Variants in EPHX1 observed in about 807,000 individuals in gnomAD.
EPHX1 encodes epoxide hydrolase 1.
Under a neutral mutation model 43.2 loss-of-function variants are expected in EPHX1, and 40 were observed. The observed-to-expected ratio is 0.93, with a 90% CI of 0.72 to 1.21. The LOEUF is 1.21. Among genes scored for constraint, EPHX1 ranks in the 50% most tolerant of loss-of-function variants. The probability of loss-of-function intolerance (pLI) is 0.00; values close to 1 mark genes in which losing one functional copy is unlikely to be tolerated. For synonymous variants in EPHX1, 221 were observed against 226.7 expected, an observed-to-expected ratio of 0.98 and a Z score of 0.22; for missense variants, 550 against 570.4, an observed-to-expected ratio of 0.96 and a Z score of 0.36.
chr1:225,831,642 G>A (rs989344859), intron 2 of EPHX1, 137 bp from the exon 3 acceptor site: 61 of 782,698 alleles, frequency 7.8e-5, no homozygotes, highest in Non-Finnish European at 1.6e-5. Context: ...AGCCAGTGAT[G>A]TGGGAAACTG....
intron 5 of EPHX1, 87 bp downstream of exon 5, chr1:225,839,433 G>A (rs760632982): frequency 9.7e-5 from 153 of 1,585,392 alleles, no homozygotes; most frequent in Non-Finnish European, 1.2e-4. Flanking sequence ...GTGCAGGGTG[G>A]GCCAAGGACC....
At chr1:225,843,356 G>C (rs1311043444) in intron 7 of EPHX1, among the ~76,000 whole-genome samples, 1 of 152,190 alleles carries the variant, frequency 6.6e-6, no homozygotes, top group Non-Finnish European at 1.5e-5. Flanking sequence ...AGGGTGCTTG[G>C]AAAGGGTGGC....
chr1:225,817,565 C>G lies in EPHX1; in HGVS notation c.-6+7396C>G, dbSNP rs1045421557. ...GAAGCAGCAGACCCTCCAAGCCCAC[C>G]TACCTCTCTGGCCTGGCATCTGAGG... is the stretch of plus-strand genomic sequence containing the variant. On this transcript the variant is annotated intron_variant, in intron 1 of 8. Transcript: ENST00000272167. The surrounding 1 kb of genome is among the most constrained non-coding windows in gnomAD (Gnocchi z 5.7). 8.5e-5 allele frequency among the ~76,000 whole-genome samples: 13 copies of G among 152,192 alleles called. No homozygotes were observed. Among genetic ancestry groups the G allele is most frequent in the Non-Finnish European group, 4.4e-5 (3 of 68,032 alleles).
chr1:225,810,687 T>A (rs1666434675), intron 1 of EPHX1: 1 of 139,688 alleles, frequency 7.2e-6, no homozygotes, highest in Non-Finnish European at 1.5e-5. Context: ...CCAAGGGAGA[T>A]AGGGGTGGGG....
At position 225,828,644 on chromosome 1, in the gene EPHX1, C is replaced by G. The variant is rs1667395363; in HGVS notation, c.-5-81C>G. ...AGGGTTGGAGCGCAGCAGGAAAGAG[C>G]CTGCTGGGGATCAGAGTCTCTGGGC... On this transcript the variant is annotated intron_variant, in intron 1 of 8. Transcript: ENST00000272167. The G allele has an allele frequency of 2.1e-6, 3 of 1,454,004 alleles. No homozygotes were observed. In the Admixed American group the frequency reaches 5.2e-5, roughly 25 times the overall value. 90.1% of individuals were successfully genotyped at this position (1,454,004 alleles called of 1,614,324 possible).
chr1:225,840,113 C>T (rs928459303), intron 6 of EPHX1, 76 bp downstream of exon 6: 9 of 1,403,612 alleles, frequency 6.4e-6, no homozygotes, highest in Non-Finnish European at 8.0e-6. Context: ...AACCTCACCA[C>T]CCCACCCCAA....
chr1:225,836,930 G>T (rs1668000323), intron 3 of EPHX1, among the ~76,000 whole-genome samples: 1 of 152,216 alleles, frequency 6.6e-6, no homozygotes, highest in Admixed American at 6.5e-5. Flanking sequence ...CATATTAAGT[G>T]TTCTCGCCAT....
At position 225,830,980 on chromosome 1, in the gene EPHX1, T is replaced by G. The variant is rs116230486; in HGVS notation, c.184-799T>G. 6.0e-3 allele frequency among the ~76,000 whole-genome samples: 916 copies of G among 152,340 alleles called. 13 individuals carry two copies. The highest frequency in any genetic ancestry group is 0.021 in the African/African-American group (869 of 41,576). ...ACGTGAAAATTATATAGCAGTCAGA[T>G]TTCAGTGTCCATAAATTTTTATTGG... On this transcript the variant is annotated intron_variant, in intron 2 of 8. Coordinates refer to ENST00000272167, the MANE Select transcript of EPHX1 (RefSeq NM_001136018.4).
At chr1:225,826,879 A>T (rs1231666603) in intron 1 of EPHX1, among the ~76,000 whole-genome samples, 2 of 151,880 alleles carry the variant, frequency 1.3e-5, no homozygotes, top group Non-Finnish European at 2.9e-5. Context: ...AGAATTGGAG[A>T]TGACTCTAGG....
rs374487990 is a variant in EPHX1 at position 225,842,353 on chromosome 1, C to T, written c.932-13C>T. 18 of 1,589,118 alleles carry T rather than the reference C, an allele frequency of 1.1e-5. 1 individual carries two copies. The highest frequency in any genetic ancestry group is 8.8e-5 in the South Asian group (8 of 90,554). On this transcript the variant is annotated splice_polypyrimidine_tract_variant and intron_variant, in intron 6 of 8. Transcript: ENST00000272167. ...AGGCCTGAGTCTCTCCCTTGCTCCC[C>T]GCTCCCCGCCAGGCTCTGCTCTGAA...
At chr1:225,826,462 A>AAG (rs1470436219) in intron 1 of EPHX1, among the ~76,000 whole-genome samples, 2 of 151,278 alleles carry the variant, frequency 1.3e-5, no homozygotes, top group Admixed American at 6.6e-5. Context: ...AAAAAAAAAA[A>AAG]AAAAAAAGGG....
rs45467394 is a variant in EPHX1 at position 225,844,828 on chromosome 1, G to T, written c.1166+205G>T. The stretch of plus-strand genomic sequence containing the variant: ...GGACCAGGTGCCTGGCTCCCGGGCG[G>T]CCCTCAGTACCGCTCCCCAGTCTAG... On this transcript the variant is annotated intron_variant, in intron 8 of 8. Transcript: ENST00000272167. Among the ~76,000 whole-genome samples, 6,111 of 152,262 alleles carry T rather than the reference G, an allele frequency of 0.04. 209 individuals are homozygous for T. The highest frequency in any genetic ancestry group is 0.15 in the East Asian group (767 of 5,158).
chr1:225,826,653 G>A (rs1370856454), intron 1 of EPHX1, among the ~76,000 whole-genome samples: 1 of 152,136 alleles, frequency 6.6e-6, no homozygotes, highest in Admixed American at 6.5e-5. Context: ...GGAAGTTCAA[G>A]GGTGGACACC....
intron 1 of EPHX1, among the ~76,000 whole-genome samples, chr1:225,828,033 A>C (rs1667341345): frequency 6.6e-6 from 1 of 152,162 alleles, no homozygotes; most frequent in Non-Finnish European, 1.5e-5. Context: ...CATGGACAGA[A>C]GCCTTCTCAG....
chr1:225,830,699 A>G (rs745728057), intron 2 of EPHX1, among the ~76,000 whole-genome samples: 2 of 152,140 alleles, frequency 1.3e-5, no homozygotes, highest in African/African-American at 2.4e-5. Flanking sequence ...TCCTGACTTC[A>G]AGTGATCCAC....
At chr1:225,832,263 A>G (rs1667650916) in intron 3 of EPHX1, 1 of 392,692 alleles carries the variant, frequency 2.5e-6, no homozygotes, top group Non-Finnish European at 4.9e-6. Context: ...ACCCAGGCCA[A>G]GTGGGGTGGC....
chr1:225,839,403 C>CCT (rs1238661200), intron 5 of EPHX1, 57 bp downstream of exon 5: 1 of 1,005,172 alleles, frequency 9.9e-7, no homozygotes, highest in African/African-American at 2.6e-5. Context: ...GTGTGTGTGT[C>CCT]CTCTAAGAAG....
chr1:225,825,596 G>A (rs1164057532), intron 1 of EPHX1: 1 of 152,236 alleles, frequency 6.6e-6, no homozygotes, highest in Non-Finnish European at 1.5e-5. Context: ...CCTCTTTATT[G>A]TTCTAATATT....
In EPHX1 at chr1:225,839,958, C is replaced by A. The variant is rs2292568; in HGVS notation, c.852C>A (p.Pro284=). 10 of 1,614,048 alleles carry A rather than the reference C, an allele frequency of 6.2e-6. No individual in the cohort carries two copies. The East Asian group carries it at 2.0e-4, about 32-fold the overall frequency. Residue 284 remains proline (P), a synonymous_variant, in exon 6 of 9, where the codon CCC becomes CCA. Transcript: ENST00000272167. ...AGAGGGATGTGGAGCTGCTGTACCC[C>A]GTCAAGGAGAAGGTATTCTACAGCC... ...LTERDVELLY[P]VKEKVFYSLM...
Sources: gnomAD v4.1 joint callset for allele counts (sites outside exome capture counted in the v4.1 genomes callset) on GRCh38, gnomAD v4.1.1 for gene constraint, Gnocchi (gnomAD v3.1) non-coding constraint, MANE v1.5 for transcripts, NCBI Gene and HGNC (gene_info 2026-07-23, HGNC 2026-07-21) for gene names.